CYLD: variants seen among roughly 807,000 people sequenced by gnomAD.
CYLD encodes the protein CYLD lysine 63 deubiquitinase.
CYLD carries 26 observed loss-of-function variants against 104.5 expected under a neutral mutation model. The observed-to-expected ratio is 0.25, with a 90% CI of 0.18 to 0.35. The LOEUF is 0.35. CYLD is among the 10% of genes least tolerant of loss of function. CYLD has a pLI of 1.00. For missense variants in CYLD, 703 were observed against 1,136.1 expected (o/e 0.62, Z 5.48); for synonymous variants, 385 against 399.9 (o/e 0.96, Z 0.45).
chr16:50,753,113 G>C (rs1306686664), intron 4 of CYLD, among the ~76,000 whole-genome samples: 1 of 152,140 alleles, frequency 6.6e-6, no homozygotes, highest in East Asian at 1.9e-4. Flanking sequence ...GGTTTCCTGT[G>C]CTTGAAAATT....
chr16:50,746,600 C>G (rs79558614), intron 2 of CYLD, among the ~76,000 whole-genome samples: 3,283 of 152,238 alleles, frequency 0.022, 104 homozygotes, highest in African/African-American at 0.074. Flanking sequence ...TAAGTCTAAG[C>G]TCATTTCCAC....
At chr16:50,761,746 A>ATATCTATCTATCTATCTAGC (rs1555506336) in intron 5 of CYLD, among the ~76,000 whole-genome samples, 1 of 149,778 alleles carries the variant, frequency 6.7e-6, no homozygotes, top group African/African-American at 2.5e-5. Context: ...ACATATCTCT[A>ATATCTATCTATCTATCTAGC]TATCTATCTA....
chr16:50,779,090 CTTTAG>C (rs1969964485), intron 8 of CYLD, among the ~76,000 whole-genome samples: 1 of 152,016 alleles, frequency 6.6e-6, no homozygotes, highest in African/African-American at 2.4e-5. Context: ...TGTTTCTGTT[CTTTAG>C]TTTATTCTTC....
chr16:50,761,521 G>A (rs1967922266), intron 5 of CYLD, among the ~76,000 whole-genome samples: 1 of 152,088 alleles, frequency 6.6e-6, no homozygotes, highest in South Asian at 2.1e-4. Context: ...CTTACTCTGG[G>A]TATCTCATAT....
intron 11 of CYLD, 83 bp downstream of exon 11, chr16:50,782,549 AGT>A: frequency 1.4e-6 from 2 of 1,422,272 alleles, no homozygotes; most frequent in Non-Finnish European, 2.0e-6. Context: ...TGTGCGTGTG[AGT>A]GTGTGTGAAA....
chr16:50,791,845 A>G (rs570479576), intron 15 of CYLD, among the ~76,000 whole-genome samples, 155 bp downstream of exon 15: 3 of 152,262 alleles, frequency 2.0e-5, no homozygotes, highest in East Asian at 1.9e-4. Context: ...CAGTGTTTCA[A>G]CTTTGCCTTT....
Position 50,792,717 on chromosome 16 carries a change from A to AT in CYLD, c.2350+19dup, listed in dbSNP as rs768451388. 4 of 1,342,518 alleles carry AT rather than the reference A, an allele frequency of 3.0e-6. No homozygotes were observed. Among genetic ancestry groups the AT allele is most frequent in the South Asian group, 2.4e-5 (2 of 82,368 alleles). The allele number at this position is 1,342,518 out of a possible 1,614,324, so 83.2% of individuals were successfully genotyped here. ...TTTACTTGAAGACAGTAAGTATGAGATTTTTTTAGTTTGTTTTGTTGGTTT... is the reference window on the plus strand; with the variant it reads ...TTTACTTGAAGACAGTAAGTATGAGATTTTTTTTAGTTTGTTTTGTTGGTTT... On this transcript the variant is annotated intron_variant, in intron 16 of 18. Transcript: ENST00000427738.
intron 6 of CYLD, 33 bp downstream of exon 6, chr16:50,775,207 G>A (rs2150979329): frequency 3.8e-6 from 6 of 1,581,482 alleles, no homozygotes; most frequent in Non-Finnish European, 4.3e-6. Context: ...TGGACTCCAC[G>A]GATGTATTGT....
chr16:50,782,637 G>A (rs963573303), intron 11 of CYLD, among the ~76,000 whole-genome samples, 171 bp downstream of exon 11: 1 of 152,078 alleles, frequency 6.6e-6, no homozygotes, highest in African/African-American at 2.4e-5. Context: ...TGCTTTTTAT[G>A]ACATACTCCT....
chr16:50,760,844 G>A (rs1173862256), intron 5 of CYLD, among the ~76,000 whole-genome samples: 3 of 152,078 alleles, frequency 2.0e-5, no homozygotes, highest in African/African-American at 7.2e-5. Flanking sequence ...GGGCGTATGC[G>A]TTGGTATTGT....
intron 11 of CYLD, among the ~76,000 whole-genome samples, chr16:50,783,497 A>C (rs1415021555): frequency 6.6e-6 from 1 of 152,138 alleles, no homozygotes; most frequent in Non-Finnish European, 1.5e-5. Context: ...AATCTATATT[A>C]GCTAAATTTT....
At chr16:50,779,036 C>T (rs915032860) in intron 8 of CYLD, among the ~76,000 whole-genome samples, 2 of 152,094 alleles carry the variant, frequency 1.3e-5, no homozygotes, top group East Asian at 3.9e-4. Context: ...TGTGTTTATT[C>T]TGGCTTTGAA....
intron 5 of CYLD, among the ~76,000 whole-genome samples, chr16:50,761,712 C>A (rs1255703112): frequency 6.9e-6 from 1 of 144,084 alleles, no homozygotes; most frequent in African/African-American, 2.6e-5. Flanking sequence ...CCTGTGTTTT[C>A]TTCTAGTACT....
In CYLD at chr16:50,747,649, G is replaced by A. The variant is rs577932050; in HGVS notation, c.-123-1927G>A. Among the ~76,000 whole-genome samples, 14 of 152,316 alleles carry A rather than the reference G, an allele frequency of 9.2e-5. No homozygotes were observed. In the East Asian group the frequency reaches 2.1e-3, roughly 23 times the overall value. ...GAGGGGTTGGATAGCTGTTTGGGCA[G>A]CCCTTATAAGGAGTTTTGTTTATAT... On this transcript the variant is annotated intron_variant, in intron 2 of 18. Coordinates refer to ENST00000427738, the MANE Select transcript of CYLD (RefSeq NM_001378743.1).
At chr16:50,792,550 T>G in intron 15 of CYLD, 47 bp from the exon 16 acceptor site, 2 of 1,377,238 alleles carry the variant, frequency 1.5e-6, no homozygotes, top group Non-Finnish European at 2.0e-6. Flanking sequence ...TAGGGAAAAG[T>G]GTTTTTTTTA....
intron 3 of CYLD, among the ~76,000 whole-genome samples, 193 bp from the exon 4 acceptor site, chr16:50,751,411 T>C (rs1438270217): frequency 1.3e-5 from 2 of 152,226 alleles, no homozygotes; most frequent in African/African-American, 4.8e-5. Context: ...TAATATTATT[T>C]CAGCATCAGA....
chr16:50,758,623 T>C (rs1227305390), intron 5 of CYLD, among the ~76,000 whole-genome samples: 2 of 151,842 alleles, frequency 1.3e-5, no homozygotes, highest in Non-Finnish European at 2.9e-5. Flanking sequence ...GGATGGTAAG[T>C]GAAGGATTTG....
rs141729985 is a variant in CYLD at position 50,755,088 on chromosome 16, T to TATATACATACATATATACAC, written c.913+666_913+685dup. ...ATAGATATGTATACATATACACACA[T>TATATACATACATATATACAC]ATATACATACATATATACACACATA... is the stretch of plus-strand genomic sequence containing the variant. On this transcript the variant is annotated intron_variant, in intron 5 of 18. Coordinates refer to ENST00000427738, the MANE Select transcript of CYLD (RefSeq NM_001378743.1). Among the ~76,000 whole-genome samples, 13 of 34,514 alleles carry TATATACATACATATATACAC rather than the reference T, an allele frequency of 3.8e-4. 1 individual carries two copies. The highest frequency in any genetic ancestry group is 4.5e-4 in the African/African-American group (2 of 4,438). 22.6% of individuals were successfully genotyped at this position (34,514 alleles called of 152,430 possible).
At position 50,796,569 on chromosome 16, in the gene CYLD, G is replaced by T. The variant is rs1972069427; in HGVS notation, c.*61G>T. 1.3e-6 allele frequency: 2 copies of T among 1,549,760 alleles called. No individual in the cohort carries two copies. The highest frequency in any genetic ancestry group is 3.3e-5 in the Admixed American group (2 of 59,944). Reference sequence around the variant, plus strand: ...AGAGTCCTAACGTTGCATCTTATTCGAGCTGGCAGTTCTGTTCACGTCCAT... The same window carrying T: ...AGAGTCCTAACGTTGCATCTTATTCTAGCTGGCAGTTCTGTTCACGTCCAT... On this transcript the variant is annotated 3_prime_UTR_variant, in exon 19 of 19. Coordinates refer to ENST00000427738, the MANE Select transcript of CYLD (RefSeq NM_001378743.1).
Sources: allele counts gnomAD v4.1 joint callset (sites outside exome capture counted in the v4.1 genomes callset), GRCh38; gene constraint gnomAD v4.1.1; transcripts MANE v1.5; gene names NCBI Gene and HGNC (gene_info 2026-07-23, HGNC 2026-07-21).